The following UBE2E1 variants were observed in gnomAD, a reference collection of about 807,000 sequenced individuals.
UBE2E1 encodes ubiquitin conjugating enzyme E2 E1.
A neutral mutation model predicts 21.4 loss-of-function variants in UBE2E1; 6 were observed. That is an observed-to-expected ratio of 0.28 (90% CI 0.15 to 0.55). The LOEUF is 0.55. Ranked by LOEUF, UBE2E1 falls within the 20% of genes least tolerant of loss-of-function variation. UBE2E1 has a pLI of 0.93. For missense variants in UBE2E1, 142 were observed against 236.5 expected, an observed-to-expected ratio of 0.60 and a Z score of 2.62; for synonymous variants, 87 against 82.7, an observed-to-expected ratio of 1.05 and a Z score of -0.28.
At position 23,810,376 on chromosome 3, in the gene UBE2E1, A is replaced by G. The variant is rs1336245220; in HGVS notation, c.153-1084A>G. On this transcript the variant is annotated intron_variant, in intron 2 of 5. Transcript: ENST00000306627. The surrounding 1 kb of genome is among the most constrained non-coding windows in gnomAD (Gnocchi z 5.8). ...GTGAACTGCCTGGTGGCTTCGGCCT[A>G]TGAGTGGGGGATGGGGCCCTTTGTG... 17 of 1,503,902 alleles carry G rather than the reference A, an allele frequency of 1.1e-5. No homozygotes were observed. The highest frequency in any genetic ancestry group is 3.9e-5 in the Admixed American group (2 of 50,730). 93.2% of individuals were successfully genotyped at this position (1,503,902 alleles called of 1,614,324 possible).
chr3:23,832,490 C>CAAAAATT (rs1316165076), intron 3 of UBE2E1, among the ~76,000 whole-genome samples: 1 of 152,036 alleles, frequency 6.6e-6, no homozygotes, highest in Non-Finnish European at 1.5e-5. Flanking sequence ...ACTAAAAGTA[C>CAAAAATT]AAAAATTAGC....
At position 23,816,338 on chromosome 3, in the gene UBE2E1, C is replaced by G. The variant is rs1473285676; in HGVS notation, c.203+4828C>G. On this transcript the variant is annotated intron_variant, in intron 3 of 5. Transcript: ENST00000306627. This position sits in a 1 kb window ranked among gnomAD's most constrained non-coding sequence, Gnocchi z 4.8. Reference sequence around the variant, plus strand: ...AGTGGATAAACAAAATTTGGTTAATCTATAAACTGGAATATTCATCTATAA... The same window carrying G: ...AGTGGATAAACAAAATTTGGTTAATGTATAAACTGGAATATTCATCTATAA... Among the ~76,000 whole-genome samples, 1 of 152,092 alleles carries G rather than the reference C, an allele frequency of 6.6e-6. No homozygotes were observed.
intron 3 of UBE2E1, among the ~76,000 whole-genome samples, chr3:23,868,853 T>C (rs1700714484): frequency 6.6e-6 from 1 of 152,226 alleles, no homozygotes; most frequent in Admixed American, 6.5e-5. Context: ...TGCATACTGT[T>C]GTGGAACTTG....
chr3:23,854,528 T>A (rs1700395150), intron 3 of UBE2E1, among the ~76,000 whole-genome samples: 1 of 152,222 alleles, frequency 6.6e-6, no homozygotes, highest in Non-Finnish European at 1.5e-5. Flanking sequence ...CTCATGGCCT[T>A]TTTGATGATG....
intron 3 of UBE2E1, among the ~76,000 whole-genome samples, chr3:23,871,602 C>A (rs1424466873): frequency 2.0e-5 from 3 of 151,656 alleles, no homozygotes; most frequent in African/African-American, 7.3e-5. Flanking sequence ...CAGAGAGGCT[C>A]CTCACTTCTC....
chr3:23,830,834 T>C (rs1435152773), intron 3 of UBE2E1, among the ~76,000 whole-genome samples: 3 of 152,212 alleles, frequency 2.0e-5, no homozygotes, highest in Admixed American at 6.5e-5. Context: ...GTGGTGGTGA[T>C]AGCTAACTTC....
chr3:23,851,439 T>A (rs921744264), intron 3 of UBE2E1, among the ~76,000 whole-genome samples: 8 of 152,172 alleles, frequency 5.3e-5, no homozygotes, highest in Non-Finnish European at 1.0e-4. Flanking sequence ...TGTTTTTTTT[T>A]AAACAGTCCA....
At chr3:23,828,913 T>C (rs531049968) in intron 3 of UBE2E1, among the ~76,000 whole-genome samples, 2 of 152,220 alleles carry the variant, frequency 1.3e-5, no homozygotes, top group Admixed American at 1.3e-4. Context: ...AGAGGGAAAA[T>C]GTCCATCAAT....
intron 3 of UBE2E1, among the ~76,000 whole-genome samples, chr3:23,855,788 C>A (rs1187016855): frequency 6.6e-6 from 1 of 151,664 alleles, no homozygotes; most frequent in Non-Finnish European, 1.5e-5. Context: ...CAAGATCATG[C>A]CACTGCACTC....
At chr3:23,834,017 A>G (rs1055553066) in intron 3 of UBE2E1, among the ~76,000 whole-genome samples, 2 of 152,212 alleles carry the variant, frequency 1.3e-5, no homozygotes, top group East Asian at 3.8e-4. Flanking sequence ...GAAGTTTTGT[A>G]TCAGAAAATT....
At chr3:23,831,566 G>C (rs1037937477) in intron 3 of UBE2E1, among the ~76,000 whole-genome samples, 1 of 150,700 alleles carries the variant, frequency 6.6e-6, no homozygotes, top group African/African-American at 2.5e-5. Context: ...GCCCAGGCTG[G>C]AGTGCAGTGG....
intron 2 of UBE2E1, chr3:23,807,914 T>TA (rs1699312057): frequency 1.3e-5 from 2 of 152,344 alleles, no homozygotes; most frequent in Non-Finnish European, 2.9e-5. Context: ...AGGTACAAAA[T>TA]TTAGTAGGTG....
chr3:23,846,698 C>CA (rs10662469), intron 3 of UBE2E1, among the ~76,000 whole-genome samples: 2,283 of 89,792 alleles, frequency 0.025, 182 homozygotes, highest in African/African-American at 0.082. Context: ...TCCATCTCAT[C>CA]AAAAAAAAAA....
At chr3:23,851,660 G>T (rs1198023446) in intron 3 of UBE2E1, among the ~76,000 whole-genome samples, 1 of 152,046 alleles carries the variant, frequency 6.6e-6, no homozygotes, top group Non-Finnish European at 1.5e-5. Flanking sequence ...AAATAAGCCA[G>T]CCATGGTGGT....
At chr3:23,833,931 G>A (rs1699921302) in intron 3 of UBE2E1, among the ~76,000 whole-genome samples, 1 of 152,044 alleles carries the variant, frequency 6.6e-6, no homozygotes, top group Admixed American at 6.5e-5. Flanking sequence ...CCGACAGGTT[G>A]ACGCTGCAGT....
rs1701402530 is a variant in UBE2E1, at chr3:23,890,859, A to T, written c.*253A>T. On this transcript the variant is annotated 3_prime_UTR_variant, in exon 6 of 6. Coordinates refer to ENST00000306627, the MANE Select transcript of UBE2E1 (RefSeq NM_003341.5). ...TGAAATGTAGTACAGAAAAGAATGT[A>T]CATTTAGACATTTGGGTTCAGTTGC... The T allele has an allele frequency of 3.2e-6, 1 of 311,230 alleles. No homozygotes were observed. Among genetic ancestry groups the T allele is most frequent in the Admixed American group, 4.9e-5 (1 of 20,394 alleles). The allele number at this position is 311,230 out of a possible 1,614,324, so 19.3% of individuals were successfully genotyped here. A position where few individuals can be genotyped will look rare whatever the true frequency, so the allele number is the denominator to read the frequency against.
At chr3:23,851,658 C>A (rs977793409) in intron 3 of UBE2E1, among the ~76,000 whole-genome samples, 3 of 151,972 alleles carry the variant, frequency 2.0e-5, no homozygotes, top group African/African-American at 7.3e-5. Context: ...TAAAATAAGC[C>A]AGCCATGGTG....
At chr3:23,828,022 C>A (rs1699793023) in intron 3 of UBE2E1, among the ~76,000 whole-genome samples, 1 of 152,198 alleles carries the variant, frequency 6.6e-6, no homozygotes, top group African/African-American at 2.4e-5. Flanking sequence ...TCACTCCACA[C>A]AGCTCTCATC....
At position 23,828,818 on chromosome 3, in the gene UBE2E1, T is replaced by C. The variant is rs563656015; in HGVS notation, c.203+17308T>C. On this transcript the variant is annotated intron_variant, in intron 3 of 5. Transcript: ENST00000306627. ...ATAGTTCAATTTCATCTAAACCTTA[T>C]GTGATTTCAGTGTTTTCCTCAGATT... Among the ~76,000 whole-genome samples, 44 of 152,366 alleles carry C rather than the reference T, an allele frequency of 2.9e-4. No homozygotes were observed. The South Asian group carries it at 8.1e-3, about 28-fold the overall frequency.
Sources: allele counts gnomAD v4.1 joint callset (sites outside exome capture counted in the v4.1 genomes callset), GRCh38; gene constraint gnomAD v4.1.1; non-coding constraint Gnocchi (gnomAD v3.1); transcripts MANE v1.5; gene names NCBI Gene and HGNC (gene_info 2026-07-23, HGNC 2026-07-21).